The following TTYH2 variants were observed in gnomAD, a reference collection of about 807,000 sequenced individuals.
TTYH2 encodes the protein tweety family member 2.
Under a neutral mutation model 68.3 loss-of-function variants are expected in TTYH2, and 49 were observed. The observed-to-expected ratio is 0.72, with a 90% CI of 0.57 to 0.91. The LOEUF is 0.91. Among genes scored for constraint, TTYH2 ranks in the 40% least tolerant of loss-of-function variants. The pLI is 0.00. For synonymous variants in TTYH2, 272 were observed against 300.8 expected, an observed-to-expected ratio of 0.90 and a Z score of 0.99; for missense variants, 631 against 700.4, an observed-to-expected ratio of 0.90 and a Z score of 1.12.
chr17:74,218,331 C>T (rs2050241446), intron 1 of TTYH2, among the ~76,000 whole-genome samples: 1 of 151,882 alleles, frequency 6.6e-6, no homozygotes. Flanking sequence ...TTTTTCCCAG[C>T]ACCTAGGTAG....
intron 4 of TTYH2, 109 bp from the exon 5 acceptor site, chr17:74,243,265 A>G: frequency 2.2e-6 from 2 of 909,890 alleles, no homozygotes; most frequent in Non-Finnish European, 3.6e-6. Context: ...CAGCATGTCC[A>G]TAGTAGAGGG....
chr17:74,254,388 A>C (rs928931193), intron 13 of TTYH2, among the ~76,000 whole-genome samples: 2 of 152,098 alleles, frequency 1.3e-5, no homozygotes, highest in Non-Finnish European at 2.9e-5. Context: ...GGCTGGTCTC[A>C]AACTTCTGAC....
chr17:74,259,077 C>T (rs762097113), intron 13 of TTYH2, among the ~76,000 whole-genome samples: 4 of 152,088 alleles, frequency 2.6e-5, no homozygotes, highest in Admixed American at 6.5e-5. Context: ...CTGCCAAGGA[C>T]GAGTAACTAA....
chr17:74,238,950 A>G (rs1341810952), intron 4 of TTYH2, among the ~76,000 whole-genome samples: 2 of 151,806 alleles, frequency 1.3e-5, no homozygotes, highest in Admixed American at 6.6e-5. Flanking sequence ...GCCTCAAGCA[A>G]TCCTCCCACC....
At chr17:74,252,499 G>A (rs1302618369) in intron 11 of TTYH2, 123 bp downstream of exon 11, 18 of 1,238,302 alleles carry the variant, frequency 1.5e-5, no homozygotes, top group Middle Eastern at 2.7e-4. Context: ...CAGAGGGCCC[G>A]GGCATTCAGC....
chr17:74,224,062 C>G (rs1429302994), intron 2 of TTYH2, among the ~76,000 whole-genome samples: 1 of 152,194 alleles, frequency 6.6e-6, no homozygotes, highest in Non-Finnish European at 1.5e-5. Context: ...AGGTCACAGT[C>G]GAGTGCGGTT....
Position 74,249,406 on chromosome 17 carries a change from C to G in TTYH2, c.930+7C>G. On this transcript the variant is annotated splice_region_variant and intron_variant, in intron 8 of 13. Transcript: ENST00000269346. ...AAGCAGCCCCTTCCAGCAGGTATGGCCCCCCGAGGCCTGCCCTCACCCTGC... is the reference window on the plus strand; with the variant it reads ...AAGCAGCCCCTTCCAGCAGGTATGGGCCCCCGAGGCCTGCCCTCACCCTGC... 7 of 1,613,210 alleles carry G rather than the reference C, an allele frequency of 4.3e-6. No homozygotes were observed. Among genetic ancestry groups the G allele is most frequent in the Non-Finnish European group, 5.9e-6 (7 of 1,179,878 alleles).
At chr17:74,220,004 G>A (rs1293353622) in intron 1 of TTYH2, among the ~76,000 whole-genome samples, 2 of 150,780 alleles carry the variant, frequency 1.3e-5, no homozygotes, top group Admixed American at 6.6e-5. Context: ...TTTTTGGGAG[G>A]TTGGGTTACT....
At chr17:74,227,788 C>A (rs148764779) in intron 2 of TTYH2, among the ~76,000 whole-genome samples, 2 of 151,240 alleles carry the variant, frequency 1.3e-5, no homozygotes, top group East Asian at 1.9e-4. Context: ...TCCTGCCCCC[C>A]CATCTTGGAT....
Position 74,241,868 on chromosome 17 carries a change from G to A in TTYH2, c.636-1506G>A, listed in dbSNP as rs566744869. 9.8e-4 allele frequency among the ~76,000 whole-genome samples: 149 copies of A among 152,352 alleles called. No individual in the cohort carries two copies. The highest frequency in any genetic ancestry group is 1.7e-3 in the Non-Finnish European group (117 of 68,036). On this transcript the variant is annotated intron_variant, in intron 4 of 13. Coordinates refer to ENST00000269346, the MANE Select transcript of TTYH2 (RefSeq NM_032646.6). The surrounding 1 kb of genome is among the most constrained non-coding windows in gnomAD (Gnocchi z 4.1). ...GGCATGGCTGCCAGGGGAGACCACT[G>A]GGCCTTGTGAGGACCACCTTGGGGA...
In TTYH2 at chr17:74,222,078, G is replaced by C. The variant is rs1488440644; in HGVS notation, c.130-407G>C. ...GGTCTTGGACGGTATCCCTCTCCTT[G>C]CCTTTTTCCCTTGGCCATGGAGCTC... On this transcript the variant is annotated intron_variant, in intron 1 of 13. Transcript: ENST00000269346. The surrounding 1 kb of genome is among the most constrained non-coding windows in gnomAD (Gnocchi z 5.2). Among the ~76,000 whole-genome samples the C allele has an allele frequency of 6.6e-6, 1 of 152,096 alleles. No homozygotes were observed. The highest frequency in any genetic ancestry group is 1.5e-5 in the Non-Finnish European group (1 of 68,022).
At position 74,249,004 on chromosome 17, in the gene TTYH2, C is replaced by T; in HGVS notation, c.805-7C>T. 1 of 1,614,164 alleles carries T rather than the reference C, an allele frequency of 6.2e-7. No individual in the cohort carries two copies. Among genetic ancestry groups the T allele is most frequent in the South Asian group, 1.1e-5 (1 of 91,084 alleles). Reference sequence around the variant, plus strand: ...TCCTCCACCCCGTCCCTCTCTCCCTCACTCAGGCCACCAGTGACTTCTGTG... The same window carrying T: ...TCCTCCACCCCGTCCCTCTCTCCCTTACTCAGGCCACCAGTGACTTCTGTG... On this transcript the variant is annotated splice_polypyrimidine_tract_variant and splice_region_variant and intron_variant, in intron 6 of 13. Coordinates refer to ENST00000269346, the MANE Select transcript of TTYH2 (RefSeq NM_032646.6).
chr17:74,244,086 T>C, intron 6 of TTYH2, 37 bp downstream of exon 6: 1 of 1,596,292 alleles, frequency 6.3e-7, no homozygotes, highest in Non-Finnish European at 8.5e-7. Flanking sequence ...GGGTGGTGGT[T>C]GGTCTGCCAG....
chr17:74,259,388 T>A (rs1598237914), intron 13 of TTYH2, among the ~76,000 whole-genome samples: 1 of 152,068 alleles, frequency 6.6e-6, no homozygotes, highest in South Asian at 2.1e-4. Flanking sequence ...TAATTTTTTG[T>A]ATTTTTGATA....
chr17:74,220,176 C>G (rs1029633834), intron 1 of TTYH2, among the ~76,000 whole-genome samples: 2 of 152,156 alleles, frequency 1.3e-5, no homozygotes, highest in Admixed American at 6.5e-5. Context: ...GATCCCTGGG[C>G]TTTAGCAGAG....
intron 13 of TTYH2, among the ~76,000 whole-genome samples, chr17:74,257,889 C>T (rs1324218623): frequency 6.6e-6 from 1 of 152,174 alleles, no homozygotes; most frequent in East Asian, 1.9e-4. Context: ...CACCATGCCT[C>T]ATGCCTGTAA....
chr17:74,249,087 A>C lies in TTYH2; in HGVS notation c.874+7A>C, dbSNP rs1369629061. 1 of 1,614,058 alleles carries C rather than the reference A, an allele frequency of 6.2e-7. No individual in the cohort carries two copies. Among genetic ancestry groups the C allele is most frequent in the Non-Finnish European group, 8.5e-7 (1 of 1,179,982 alleles). Reference sequence around the variant, plus strand: ...GAGGGCCAGATCAGCACAGGTAACTACACACTCTCAGGCTGCTGCTGTGGA... The same window carrying C: ...GAGGGCCAGATCAGCACAGGTAACTCCACACTCTCAGGCTGCTGCTGTGGA... On this transcript the variant is annotated splice_region_variant and intron_variant, in intron 7 of 13. Transcript: ENST00000269346.
chr17:74,221,523 T>C (rs7215908), intron 1 of TTYH2, among the ~76,000 whole-genome samples: 11,763 of 152,244 alleles, frequency 0.077, 1,104 homozygotes, highest in African/African-American at 0.22. Flanking sequence ...GAACCCCTAT[T>C]GGGGGTGCAT....
At position 74,214,124 on chromosome 17, in the gene TTYH2, G is replaced by A. The variant is rs1870882815; in HGVS notation, c.129+408G>A. On this transcript the variant is annotated intron_variant, in intron 1 of 13. Coordinates refer to ENST00000269346, the MANE Select transcript of TTYH2 (RefSeq NM_032646.6). This position sits in a 1 kb window ranked among gnomAD's most constrained non-coding sequence, Gnocchi z 4.6. ...TGCCCCGAAGTTTTCGACCGTCTGAGATTCCAAGATGGGGCGCTCTCTTTC... is the reference window on the plus strand; with the variant it reads ...TGCCCCGAAGTTTTCGACCGTCTGAAATTCCAAGATGGGGCGCTCTCTTTC... 6.6e-6 allele frequency among the ~76,000 whole-genome samples: 1 copy of A among 152,212 alleles called. No homozygotes were observed. The highest frequency in any genetic ancestry group is 1.9e-4 in the East Asian group (1 of 5,190).
Sources: gnomAD v4.1 joint callset for allele counts (sites outside exome capture counted in the v4.1 genomes callset) on GRCh38, gnomAD v4.1.1 for gene constraint, Gnocchi (gnomAD v3.1) non-coding constraint, MANE v1.5 for transcripts, NCBI Gene and HGNC (gene_info 2026-07-23, HGNC 2026-07-21) for gene names.